DNHD1: variants seen among roughly 807,000 people sequenced by gnomAD.
The protein encoded by DNHD1 is dynein heavy chain domain-containing protein 1.
In DNHD1, 383 loss-of-function variants were observed where a neutral mutation model predicts 458.1. That is an observed-to-expected ratio of 0.84 (90% CI 0.77 to 0.91). The LOEUF (loss-of-function observed/expected upper bound fraction) is 0.91. Ranked by LOEUF, DNHD1 falls within the 40% of genes least tolerant of loss-of-function variation. DNHD1 has a pLI of 0.00. For synonymous variants in DNHD1, 2,203 were observed against 2,376.9 expected, an observed-to-expected ratio of 0.93 and a Z score of 2.13; for missense variants, 5,336 against 5,866.1, an observed-to-expected ratio of 0.91 and a Z score of 2.95.
At position 6,534,164 on chromosome 11, in the gene DNHD1, A is replaced by G; in HGVS notation, c.2989A>G (p.Ile997Val). 2 of 1,550,956 alleles carry G rather than the reference A, an allele frequency of 1.3e-6. No individual in the cohort carries two copies. Among genetic ancestry groups the G allele is most frequent in the African/African-American group, 1.4e-5 (1 of 73,128 alleles). ...DLSELHHAYA[I>V]FTEDETPVPL... ...CAGTGAACTGCACCACGCCTATGCC[A>G]TCTTCACTGGTACTGAGGATCCCTG... The change falls in exon 14 of 43, where the codon ATC (isoleucine) becomes GTC (valine). Residue 997 changes from isoleucine to valine, a missense_variant. By Grantham distance (29) the Ile-to-Val change is conservative. Transcript: ENST00000254579.
In DNHD1 at chr11:6,557,888, T is replaced by C; in HGVS notation, c.8593T>C (p.Cys2865Arg). Residue 2865 changes from cysteine (C) to arginine (R), a missense_variant, in exon 25 of 43, where the codon TGT (cysteine) becomes CGT (arginine). This residue lies in a region of DNHD1 where 3,932 missense variants were observed against 4,365.6 expected (regional missense o/e 0.90). Transcript: ENST00000254579. ...QLKLSPHLARCHSMAQHVARL... is the reference protein window; with the variant it reads ...QLKLSPHLARRHSMAQHVARL... ...GAAGTTGAGCCCCCACCTGGCCCGG[T>C]GTCATTCCATGGCCCAGCACGTGGC... 2 of 1,550,980 alleles carry C rather than the reference T, an allele frequency of 1.3e-6. No individual in the cohort carries two copies. The highest frequency in any genetic ancestry group is 2.4e-5 in the South Asian group (2 of 84,038).
chr11:6,534,481 C>T (rs1397613311), intron 14 of DNHD1, among the ~76,000 whole-genome samples: 2 of 152,244 alleles, frequency 1.3e-5, no homozygotes, highest in East Asian at 3.9e-4. Flanking sequence ...AATGTAAGTT[C>T]TCCTTATAGA....
At position 6,571,698 on chromosome 11, in the gene DNHD1, C is replaced by T. The variant is rs774292321; in HGVS notation, c.13974C>T (p.Val4658=). The change falls in exon 43 of 43, where the codon GTC becomes GTT. Residue 4658 remains valine (V), a synonymous_variant. Transcript: ENST00000254579. This position sits in a 1 kb window ranked among gnomAD's most constrained non-coding sequence, Gnocchi z 5.0. ...GGCTGCTGCTGATCGGGCTACAGGTCCTACATGCGGAGTGGGACCCAATAG... is the reference window on the plus strand; with the variant it reads ...GGCTGCTGCTGATCGGGCTACAGGTTCTACATGCGGAGTGGGACCCAATAG... ...ERGLLLIGLQ[V]LHAEWDPIAG... 26 of 1,611,868 alleles carry T rather than the reference C, an allele frequency of 1.6e-5. No individual in the cohort carries two copies. In the Admixed American group the frequency reaches 4.2e-4, roughly 26 times the overall value.
Position 6,563,204 on chromosome 11 carries a change from A to C in DNHD1, c.9669+73A>C. 4 of 1,547,332 alleles carry C rather than the reference A, an allele frequency of 2.6e-6. 1 individual carries two copies. Among genetic ancestry groups the C allele is most frequent in the Non-Finnish European group, 3.5e-6 (4 of 1,143,416 alleles). ...GGGCAACCCCTCTAAGGATACCAAG[A>C]GGAGAGGATGGAGTGACTCATCATG... On this transcript the variant is annotated intron_variant, in intron 29 of 42. Coordinates refer to ENST00000254579, the MANE Select transcript of DNHD1 (RefSeq NM_144666.3).
rs753476248 is a variant in DNHD1 at position 6,519,867 on chromosome 11, G to C, written c.1647+13G>C. 6.2e-6 allele frequency: 10 copies of C among 1,612,606 alleles called. No homozygotes were observed. In the Admixed American group the frequency reaches 1.2e-4, roughly 19 times the overall value. Reference sequence around the variant, plus strand: ...CAACATCCTTCAAGTGAGGTGGTGGGTGGCATGTGTGGAGGTGGCAGGCAG... The same window carrying C: ...CAACATCCTTCAAGTGAGGTGGTGGCTGGCATGTGTGGAGGTGGCAGGCAG... On this transcript the variant is annotated intron_variant, in intron 8 of 42. Transcript: ENST00000254579.
Position 6,569,976 on chromosome 11 carries a change from T to C in DNHD1, c.12864-33T>C, listed in dbSNP as rs771765835. On this transcript the variant is annotated intron_variant, in intron 39 of 42. Transcript: ENST00000254579. ...GACAGTCCTCAGCATATAGATGATA[T>C]GTGAAACCCTGCTTTCCGCTCCCCT... 3.2e-6 allele frequency: 5 copies of C among 1,585,946 alleles called. No individual in the cohort carries two copies. The South Asian group carries it at 5.5e-5, about 18-fold the overall frequency.
chr11:6,554,943 T>C (rs1853430786), intron 24 of DNHD1, among the ~76,000 whole-genome samples: 1 of 152,216 alleles, frequency 6.6e-6, no homozygotes, highest in Non-Finnish European at 1.5e-5. Flanking sequence ...TCAAACTTAG[T>C]ATACATGAAC....
intron 33 of DNHD1, 44 bp from the exon 34 acceptor site, chr11:6,566,197 G>A: frequency 6.5e-7 from 1 of 1,543,702 alleles, no homozygotes; most frequent in Non-Finnish European, 8.8e-7. Flanking sequence ...GGGGATCATG[G>A]GTGCTGGCAT....
At position 6,564,459 on chromosome 11, in the gene DNHD1, AG is replaced by A. The variant is rs1312892810; in HGVS notation, c.10415del (p.Gly3472AlafsTer15). The A allele has an allele frequency of 1.7e-5, 26 of 1,551,584 alleles. No homozygotes were observed. The highest frequency in any genetic ancestry group is 4.1e-5 in the African/African-American group (3 of 73,048). On this transcript the variant is annotated frameshift_variant, in exon 32 of 43. Coordinates refer to ENST00000254579, the MANE Select transcript of DNHD1 (RefSeq NM_144666.3). LOFTEE classifies it high-confidence loss of function. ...ACTGGACGAGTGGTTAGCTCTGTGT[AG>A]GGGCTTTCAGGAGGCTCTGGGCCCA... is the stretch of plus-strand genomic sequence containing the variant. ...ELLDEWLALC[R>X]GFQEALGPDD... is the part of the protein sequence containing the mutation.
At chr11:6,519,454 G>A (rs1451706663) in intron 7 of DNHD1, 146 bp from the exon 8 acceptor site, 1 of 844,738 alleles carries the variant, frequency 1.2e-6, no homozygotes, top group Non-Finnish European at 1.9e-6. Flanking sequence ...GGTGGGGTAG[G>A]GTAAACTCTA....
At chr11:6,554,001 A>G (rs555281157) in intron 24 of DNHD1, among the ~76,000 whole-genome samples, 79 of 152,130 alleles carry the variant, frequency 5.2e-4, no homozygotes, top group Non-Finnish European at 9.4e-4. Flanking sequence ...TCTGAAACTT[A>G]TATAGCAATG....
At chr11:6,518,548 G>A (rs1392206207) in intron 7 of DNHD1, among the ~76,000 whole-genome samples, 1 of 152,086 alleles carries the variant, frequency 6.6e-6, no homozygotes, top group African/African-American at 2.4e-5. Flanking sequence ...ATTTACTGTG[G>A]AACTACCCCA....
chr11:6,532,949 C>T (rs1266349272), intron 12 of DNHD1, 78 bp from the exon 13 acceptor site: 6 of 1,389,188 alleles, frequency 4.3e-6, no homozygotes, highest in Middle Eastern at 1.8e-4. Context: ...CAGCCTACTC[C>T]CACTCTGGAC....
At chr11:6,551,164 A>G (rs551999311) in intron 24 of DNHD1, among the ~76,000 whole-genome samples, 1 of 152,348 alleles carries the variant, frequency 6.6e-6, no homozygotes, top group East Asian at 1.9e-4. Flanking sequence ...TCTGACCATA[A>G]CAATACAAAT....
At chr11:6,523,015 G>C (rs1218248693) in intron 10 of DNHD1, among the ~76,000 whole-genome samples, 2 of 152,164 alleles carry the variant, frequency 1.3e-5, no homozygotes, top group East Asian at 3.8e-4. Flanking sequence ...GTTTTCTGCA[G>C]TTCAAAACTC....
At chr11:6,539,516 C>T (rs566359700) in intron 17 of DNHD1, among the ~76,000 whole-genome samples, 57 of 152,280 alleles carry the variant, frequency 3.7e-4, no homozygotes, top group African/African-American at 1.3e-3. Flanking sequence ...GAGAGTATGT[C>T]CCTGATGGGG....
rs1362815122 is a variant in DNHD1, at chr11:6,546,338, G to A, written c.5399G>A (p.Gly1800Asp). 4 of 1,552,346 alleles carry A rather than the reference G, an allele frequency of 2.6e-6. No individual in the cohort carries two copies. Among genetic ancestry groups the A allele is most frequent in the Non-Finnish European group, 3.5e-6 (4 of 1,147,140 alleles). ...FEKHHVSVRL[G>D]YGCLLVLRAL... is the part of the protein sequence containing the mutation. ...AAACATCACGTGTCTGTGCGCCTTG[G>A]CTATGGCTGTCTCCTGGTACTGCGT... Residue 1800 changes from glycine to aspartate, a missense_variant, in exon 21 of 43, where the codon GGC becomes GAC. Around this residue, in one of 4 missense-constraint regions of DNHD1, gnomAD observed 3,932 missense variants for 4,365.6 expected, o/e 0.90. Transcript: ENST00000254579.
In DNHD1 at chr11:6,538,805, T is replaced by G. The variant is rs1422242505; in HGVS notation, c.3320T>G (p.Leu1107Arg). The G allele has an allele frequency of 6.6e-7, 1 of 1,505,730 alleles. No homozygotes were observed. The allele number at this position is 1,505,730 out of a possible 1,614,324, so 93.3% of individuals were successfully genotyped here. Residue 1107 changes from leucine to arginine, a missense_variant, in exon 16 of 43, where the codon CTG becomes CGG. Physicochemically the swap from Leu to Arg is moderately radical, Grantham distance 102 (BLOSUM62 -2). Transcript: ENST00000254579. Reference sequence around the variant, plus strand: ...CAGAGCCTCAACTGCCAGTGTCTCCTGCGTGGTATGTTTGGTTAATGTCAG... The same window carrying G: ...CAGAGCCTCAACTGCCAGTGTCTCCGGCGTGGTATGTTTGGTTAATGTCAG... The part of the protein sequence containing the change: ...HPQSLNCQCL[L>R]RALGLGSLQT...
Position 6,548,810 on chromosome 11 carries a change from C to G in DNHD1, c.7264C>G (p.Leu2422Val), listed in dbSNP as rs1853276614. Residue 2422 changes from leucine to valine, a missense_variant, in exon 24 of 43, where the codon CTC becomes GTC. Leu to Val is a conservative substitution (Grantham distance 32, BLOSUM62 1). Transcript: ENST00000254579. This position sits in a 1 kb window ranked among gnomAD's most constrained non-coding sequence, Gnocchi z 4.4. The stretch of plus-strand genomic sequence containing the variant: ...CCACCCTGCCTTCAGTTCCTCCCAC[C>G]TCCGTCTCCTGCTGAGCAGAGGAAT... ...PIHPAFSSSHLRLLLSRGIQG... is the reference protein window; with the variant it reads ...PIHPAFSSSHVRLLLSRGIQG... 1 of 1,551,578 alleles carries G rather than the reference C, an allele frequency of 6.4e-7. No homozygotes were observed. The highest frequency in any genetic ancestry group is 2.0e-5 in the Admixed American group (1 of 50,982).
Sources: gnomAD v4.1 joint callset for allele counts (sites outside exome capture counted in the v4.1 genomes callset) on GRCh38, gnomAD v4.1.1 for gene constraint, gnomAD v4.1.1 regional missense constraint, Gnocchi (gnomAD v3.1) non-coding constraint, MANE v1.5 for transcripts, NCBI Gene and HGNC (gene_info 2026-07-23, HGNC 2026-07-21) for gene names.